Variants in CYP11A1 observed in about 807,000 individuals in gnomAD.
The protein encoded by CYP11A1 is cholesterol side-chain cleavage enzyme, mitochondrial.
CYP11A1 carries 25 observed loss-of-function variants against 51.9 expected under a neutral mutation model. The ratio of observed to expected loss-of-function variants is 0.48; its 90% CI spans 0.35 to 0.67. The LOEUF (loss-of-function observed/expected upper bound fraction) is 0.67, where lower values mean the gene tolerates loss of function less well. Among genes scored for constraint, CYP11A1 ranks in the 30% least tolerant of loss-of-function variants. CYP11A1 has a pLI of 0.00. For missense variants in CYP11A1, 578 were observed against 680.9 expected (o/e 0.85, Z 1.68); for synonymous variants, 245 against 262.1 (o/e 0.93, Z 0.63).
intron 5 of CYP11A1, among the ~76,000 whole-genome samples, chr15:74,340,656 A>G (rs2060602379): frequency 6.6e-6 from 1 of 152,126 alleles, no homozygotes; most frequent in Non-Finnish European, 1.5e-5. Context: ...TAATACTCAC[A>G]AACAAACCTC....
At chr15:74,350,299 AAAAGT>A (rs1210188193) in intron 1 of CYP11A1, 1 of 200,592 alleles carries the variant, frequency 5.0e-6, no homozygotes, top group Non-Finnish European at 1.1e-5. Context: ...AAAAACCCAC[AAAAGT>A]TGTATTTTAA....
chr15:74,348,183 C>T, intron 1 of CYP11A1, 128 bp from the exon 2 acceptor site: 1 of 1,004,126 alleles, frequency 1.0e-6, no homozygotes, highest in Non-Finnish European at 1.5e-6. Flanking sequence ...CTTAACCCCT[C>T]TGAGTCTCAG....
At chr15:74,339,930 A>G (rs2141231589) in intron 5 of CYP11A1, among the ~76,000 whole-genome samples, 177 bp from the exon 6 acceptor site, 1 of 152,332 alleles carries the variant, frequency 6.6e-6, no homozygotes, top group African/African-American at 2.4e-5. Flanking sequence ...CTAAAAGGCA[A>G]ATGTCCAAGA....
At chr15:74,367,075 C>A (rs2060736660) in intron 1 of CYP11A1, 1 of 566,730 alleles carries the variant, frequency 1.8e-6, no homozygotes, top group African/African-American at 1.9e-5. Context: ...GTCTTGCCAC[C>A]AATTGTTTCA....
At chr15:74,350,718 C>T (rs959187367) in intron 1 of CYP11A1, 3 of 152,218 alleles carry the variant, frequency 2.0e-5, no homozygotes, top group Non-Finnish European at 4.4e-5. Flanking sequence ...ATGGAATGCT[C>T]TAAGGGGTAT....
At chr15:74,356,060 C>G (rs1219057843) in intron 1 of CYP11A1, among the ~76,000 whole-genome samples, 1 of 152,246 alleles carries the variant, frequency 6.6e-6, no homozygotes, top group African/African-American at 2.4e-5. Context: ...GGCAGCCAGA[C>G]AGCAACACAT....
chr15:74,337,817 G>A lies in CYP11A1; in HGVS notation c.*155C>T. 1.1e-6 allele frequency: 1 copy of A among 922,162 alleles called. No homozygotes were observed. The highest frequency in any genetic ancestry group is 1.7e-6 in the Non-Finnish European group (1 of 584,160). The allele number at this position is 922,162 out of a possible 1,614,324, so 57.1% of individuals were successfully genotyped here. A position where few individuals can be genotyped will look rare whatever the true frequency, so the allele number is the denominator to read the frequency against. On this transcript the variant is annotated 3_prime_UTR_variant, in exon 9 of 9. Transcript: ENST00000268053. ...GTGGGTGAAGAGGAGTGGCCCAGCT[G>A]AGCTGAGGAAGGTGACCACTGAGAA...
chr15:74,359,889 GA>G (rs1339517323), intron 1 of CYP11A1, among the ~76,000 whole-genome samples: 2 of 152,194 alleles, frequency 1.3e-5, no homozygotes, highest in African/African-American at 2.4e-5. Flanking sequence ...ATATAAAGTA[GA>G]AGTCACGTAT....
rs750108990 is a variant in CYP11A1, at chr15:74,348,034, C to T, written c.291G>A (p.Glu97=). ...PIYREKLGNV[E]SVYVIDPEDV... ...CTTCAGGGTCGATGACATAAACCGACTCCACGTTGCCGAGCTTCTCCCTGG... is the reference window on the plus strand; with the variant it reads ...CTTCAGGGTCGATGACATAAACCGATTCCACGTTGCCGAGCTTCTCCCTGG... Residue 97 remains glutamate, a synonymous_variant, in exon 2 of 9, where the codon GAG becomes GAA. Coordinates refer to ENST00000268053, the MANE Select transcript of CYP11A1 (RefSeq NM_000781.3). The T allele has an allele frequency of 3.7e-6, 6 of 1,614,216 alleles. No homozygotes were observed. Among genetic ancestry groups the T allele is most frequent in the Admixed American group, 3.3e-5 (2 of 60,034 alleles).
chr15:74,354,991 G>C (rs2060672445), intron 1 of CYP11A1, among the ~76,000 whole-genome samples: 1 of 152,004 alleles, frequency 6.6e-6, no homozygotes. Flanking sequence ...TTCACCCTTA[G>C]TGGCAAGCAC....
intron 6 of CYP11A1, 32 bp downstream of exon 6, chr15:74,339,555 G>A (rs945717675): frequency 8.1e-6 from 13 of 1,607,788 alleles, no homozygotes; most frequent in Non-Finnish European, 1.0e-5. Context: ...AGGGATTGGA[G>A]TTGGGGGCGG....
intron 1 of CYP11A1, among the ~76,000 whole-genome samples, chr15:74,353,815 G>T (rs2141241124): frequency 6.6e-6 from 1 of 152,232 alleles, no homozygotes; most frequent in East Asian, 1.9e-4. Context: ...CTAGTGGAAG[G>T]TTTTCATTTA....
intron 6 of CYP11A1, 93 bp downstream of exon 6, chr15:74,339,494 C>T (rs1459634156): frequency 9.1e-6 from 14 of 1,541,450 alleles, no homozygotes; most frequent in Non-Finnish European, 1.2e-5. Context: ...CAACCTCCTC[C>T]ACCAGCCCAT....
In CYP11A1 at chr15:74,338,766, T is replaced by A; in HGVS notation, c.1239A>T (p.Thr413=). The change falls in exon 8 of 9, where the codon ACA becomes ACT. Residue 413 remains threonine (T), a splice_region_variant and synonymous_variant. Coordinates refer to ENST00000268053, the MANE Select transcript of CYP11A1 (RefSeq NM_000781.3). The part of the protein sequence containing the change: ...VLRDYMIPAK[T]LVQVAIYALG... The stretch of plus-strand genomic sequence containing the variant: ...GAGCATAGATGGCCACTTGCACCAG[T>A]GTCTGGGGCAAGGTGATCAGAGGCC... 1 of 1,613,904 alleles carries A rather than the reference T, an allele frequency of 6.2e-7. No individual in the cohort carries two copies. Among genetic ancestry groups the A allele is most frequent in the Admixed American group, 1.7e-5 (1 of 60,024 alleles).
chr15:74,361,615 T>C, intron 1 of CYP11A1: 17 of 1,166,544 alleles, frequency 1.5e-5, no homozygotes, highest in Non-Finnish European at 2.2e-5. Context: ...CACGTCTCCT[T>C]TGAGCTGTTT....
intron 1 of CYP11A1, among the ~76,000 whole-genome samples, chr15:74,355,741 C>A (rs1259217045): frequency 2.0e-5 from 3 of 152,212 alleles, no homozygotes; most frequent in Non-Finnish European, 4.4e-5. Flanking sequence ...GTGGCTGGAG[C>A]TAAAGGCATA....
intron 1 of CYP11A1, 185 bp from the exon 2 acceptor site, chr15:74,348,240 C>T (rs746388446): frequency 1.6e-5 from 10 of 627,976 alleles, no homozygotes; most frequent in East Asian, 5.5e-5. Flanking sequence ...TGTCTCGCAG[C>T]GCTGCTGAAG....
chr15:74,365,080 G>A (rs1307877861), intron 1 of CYP11A1, among the ~76,000 whole-genome samples: 4 of 151,968 alleles, frequency 2.6e-5, no homozygotes, highest in South Asian at 2.1e-4. Flanking sequence ...CTTCGTGACT[G>A]ACCCATTGGA....
In CYP11A1 at chr15:74,339,266, C is replaced by T; in HGVS notation, c.1207G>A (p.Val403Ile). Residue 403 changes from valine (V) to isoleucine (I), a missense_variant, in exon 7 of 9, where the codon GTT (valine) becomes ATT (isoleucine). Coordinates refer to ENST00000268053, the MANE Select transcript of CYP11A1 (RefSeq NM_000781.3). Reference protein sequence around the residue: ...TLQRYLVNDLVLRDYMIPAKT... With the variant: ...TLQRYLVNDLILRDYMIPAKT... ...GCAGGAATCATGTAATCTCGAAGAACCAAGTCATTTACAAGATATCTCTGC... is the reference window on the plus strand; with the variant it reads ...GCAGGAATCATGTAATCTCGAAGAATCAAGTCATTTACAAGATATCTCTGC... 6.2e-7 allele frequency: 1 copy of T among 1,614,192 alleles called. No individual in the cohort carries two copies. The highest frequency in any genetic ancestry group is 8.5e-7 in the Non-Finnish European group (1 of 1,180,010).
Sources: gnomAD v4.1 joint callset for allele counts (sites outside exome capture counted in the v4.1 genomes callset) on GRCh38, gnomAD v4.1.1 for gene constraint, MANE v1.5 for transcripts, NCBI Gene and HGNC (gene_info 2026-07-23, HGNC 2026-07-21) for gene names.